The following TAFA2 variants were observed in gnomAD, a reference collection of about 807,000 sequenced individuals.
TAFA2 encodes TAFA chemokine like family member 2.
TAFA2 carries 7 observed loss-of-function variants against 18.8 expected under a neutral mutation model. That is an observed-to-expected ratio of 0.37 (90% CI 0.21 to 0.70). TAFA2 has a LOEUF of 0.70. Ranked by LOEUF, TAFA2 falls within the 30% of genes least tolerant of loss-of-function variation. The pLI, the probability that TAFA2 is intolerant of heterozygous loss-of-function variation, is 0.53. For synonymous variants in TAFA2, 60 were observed against 54.2 expected (o/e 1.11, Z -0.47); for missense variants, 122 against 158.1 (o/e 0.77, Z 1.23).
At chr12:61,869,986 G>A (rs1327910422) in intron 1 of TAFA2, among the ~76,000 whole-genome samples, 1 of 152,106 alleles carries the variant, frequency 6.6e-6, no homozygotes, top group Non-Finnish European at 1.5e-5. Flanking sequence ...CAAGGGCAAT[G>A]ACCCATCATT....
chr12:61,929,552 T>G (rs1877462528), intron 1 of TAFA2, among the ~76,000 whole-genome samples: 1 of 152,148 alleles, frequency 6.6e-6, no homozygotes, highest in South Asian at 2.1e-4. Flanking sequence ...TTTACACTGT[T>G]GGTGGGACTG....
intron 1 of TAFA2, among the ~76,000 whole-genome samples, chr12:61,954,396 G>A (rs1348078): frequency 0.96 from 146,059 of 152,226 alleles, 70,166 homozygotes; most frequent in South Asian, 0.99. Context: ...AGGGTAGAAC[G>A]CTATTATGTA....
chr12:61,709,625 C>A lies in TAFA2; in HGVS notation c.*781G>T, dbSNP rs541615063. 2 of 146,970 alleles carry A rather than the reference C, an allele frequency of 1.4e-5. No homozygotes were observed. Among genetic ancestry groups the A allele is most frequent in the South Asian group, 2.2e-4 (1 of 4,530 alleles). The allele number at this position is 146,970 out of a possible 1,614,324, so 9.1% of individuals were successfully genotyped here. On this transcript the variant is annotated 3_prime_UTR_variant, in exon 5 of 5. Transcript: ENST00000416284. ...AAAGAAAAGCTCACTTAAAAAAAAACAGAAAGGGAGAGTGCTCTAGAGGTA... is the reference window on the plus strand; with the variant it reads ...AAAGAAAAGCTCACTTAAAAAAAAAAAGAAAGGGAGAGTGCTCTAGAGGTA...
intron 1 of TAFA2, among the ~76,000 whole-genome samples, chr12:61,930,172 A>G (rs961620707): frequency 6.6e-6 from 1 of 152,148 alleles, no homozygotes; most frequent in Non-Finnish European, 1.5e-5. Flanking sequence ...ATAAATAAAT[A>G]AAAAGAAAAC....
intron 1 of TAFA2, among the ~76,000 whole-genome samples, chr12:61,989,207 G>A (rs1006950995): frequency 1.3e-5 from 2 of 152,064 alleles, no homozygotes; most frequent in Non-Finnish European, 2.9e-5. Context: ...GCAGCAGCAT[G>A]GAATTCTAAA....
intron 2 of TAFA2, among the ~76,000 whole-genome samples, chr12:61,808,399 G>C (rs754829559): frequency 2.0e-5 from 3 of 151,296 alleles, no homozygotes; most frequent in Non-Finnish European, 4.4e-5. Context: ...TCCCAGTCTC[G>C]GGTATGTCTT....
chr12:61,831,689 T>C (rs1872726090), intron 2 of TAFA2, among the ~76,000 whole-genome samples: 1 of 152,148 alleles, frequency 6.6e-6, no homozygotes, highest in Admixed American at 6.6e-5. Flanking sequence ...TAGCTTGTTT[T>C]AATTTTTAAT....
At chr12:61,904,850 T>C (rs1339298261) in intron 1 of TAFA2, among the ~76,000 whole-genome samples, 2 of 152,182 alleles carry the variant, frequency 1.3e-5, no homozygotes, top group Non-Finnish European at 1.5e-5. Context: ...ATTTTCAGTG[T>C]GCCTAAAGGT....
At chr12:62,123,812 A>ACC (rs1393142445) in intron 1 of TAFA2, among the ~76,000 whole-genome samples, 1 of 147,768 alleles carries the variant, frequency 6.8e-6, no homozygotes, top group Non-Finnish European at 1.5e-5. Flanking sequence ...ACACACACAC[A>ACC]CCACCTTTTG....
At chr12:61,948,168 G>A (rs1878346049) in intron 1 of TAFA2, among the ~76,000 whole-genome samples, 1 of 152,146 alleles carries the variant, frequency 6.6e-6, no homozygotes, top group Non-Finnish European at 1.5e-5. Flanking sequence ...AGGCACTGTG[G>A]TAAGCACTTT....
At chr12:61,743,060 C>T (rs1169109599) in intron 4 of TAFA2, among the ~76,000 whole-genome samples, 1 of 151,938 alleles carries the variant, frequency 6.6e-6, no homozygotes, top group Non-Finnish European at 1.5e-5. Flanking sequence ...ATTTAAAAGC[C>T]CATCATGATA....
chr12:62,151,186 C>A (rs1201287411), intron 1 of TAFA2, among the ~76,000 whole-genome samples: 1 of 152,168 alleles, frequency 6.6e-6, no homozygotes, highest in Non-Finnish European at 1.5e-5. Context: ...TTGCCCTTTA[C>A]AAACTCAACA....
At chr12:62,008,999 T>C (rs899791936) in intron 1 of TAFA2, among the ~76,000 whole-genome samples, 1 of 152,174 alleles carries the variant, frequency 6.6e-6, no homozygotes, top group Non-Finnish European at 1.5e-5. Flanking sequence ...CTTAATCATG[T>C]TTACCAGTGA....
intron 1 of TAFA2, among the ~76,000 whole-genome samples, chr12:62,025,169 T>C (rs1565720391): frequency 6.6e-6 from 1 of 152,156 alleles, no homozygotes; most frequent in African/African-American, 2.4e-5. Flanking sequence ...CATATGTTCA[T>C]GCATGTTTTC....
intron 2 of TAFA2, among the ~76,000 whole-genome samples, chr12:61,838,371 G>T (rs773708275): frequency 4.0e-5 from 6 of 151,896 alleles, no homozygotes; most frequent in Non-Finnish European, 8.8e-5. Flanking sequence ...AATTGAATAT[G>T]AGTTTCTGTA....
At chr12:62,040,433 C>T (rs892274372) in intron 1 of TAFA2, among the ~76,000 whole-genome samples, 1 of 152,014 alleles carries the variant, frequency 6.6e-6, no homozygotes, top group Non-Finnish European at 1.5e-5. Flanking sequence ...AGTATGAGCC[C>T]TAATCCAATA....
At chr12:62,067,215 T>C (rs2136797750) in intron 1 of TAFA2, among the ~76,000 whole-genome samples, 1 of 152,170 alleles carries the variant, frequency 6.6e-6, no homozygotes, top group African/African-American at 2.4e-5. Flanking sequence ...TGGTTATTAA[T>C]CCCTTGTCAG....
chr12:62,176,626 ATT>A lies in TAFA2; in HGVS notation c.-2+14631_-2+14632del, dbSNP rs138822950. On this transcript the variant is annotated intron_variant, in intron 1 of 4. Coordinates refer to ENST00000416284, the MANE Select transcript of TAFA2 (RefSeq NM_178539.5). ...AAATTTCCTTAGATGCTAGTTCCTT[ATT>A]TTAATACATAACAACGCTTTTCATC... Among the ~76,000 whole-genome samples the A allele has an allele frequency of 8.2e-3, 1,245 of 152,296 alleles. 19 individuals carry two copies. The highest frequency in any genetic ancestry group is 0.029 in the African/African-American group (1,204 of 41,564).
At chr12:62,039,968 C>T (rs1464257673) in intron 1 of TAFA2, among the ~76,000 whole-genome samples, 4 of 152,066 alleles carry the variant, frequency 2.6e-5, no homozygotes, top group Admixed American at 6.6e-5. Flanking sequence ...GGCATTCCTC[C>T]GGTTGATTTT....
Sources: gnomAD v4.1 joint callset for allele counts (sites outside exome capture counted in the v4.1 genomes callset) on GRCh38, gnomAD v4.1.1 for gene constraint, MANE v1.5 for transcripts, NCBI Gene and HGNC (gene_info 2026-07-23, HGNC 2026-07-21) for gene names.